The following TMEM117 variants were observed in gnomAD, a reference collection of about 807,000 sequenced individuals.
TMEM117 encodes transmembrane protein 117.
TMEM117 carries 27 observed loss-of-function variants against 52.4 expected under a neutral mutation model. That is an observed-to-expected ratio of 0.51 (90% CI 0.38 to 0.71). The LOEUF (loss-of-function observed/expected upper bound fraction) is 0.71. TMEM117 is among the 30% of genes least tolerant of loss of function. TMEM117 has a pLI of 0.00. For synonymous variants in TMEM117, 215 were observed against 206.3 expected, an observed-to-expected ratio of 1.04 and a Z score of -0.36; for missense variants, 556 against 630.5, an observed-to-expected ratio of 0.88 and a Z score of 1.26.
intron 3 of TMEM117, among the ~76,000 whole-genome samples, chr12:44,088,240 GTAA>G (rs1193447883): frequency 1.3e-5 from 2 of 152,142 alleles, no homozygotes; most frequent in Non-Finnish European, 2.9e-5. Context: ...ATATGAAGTG[GTAA>G]TAATAAATAT....
intron 4 of TMEM117, among the ~76,000 whole-genome samples, chr12:44,177,513 G>A (rs1949132375): frequency 1.3e-5 from 2 of 152,168 alleles, no homozygotes; most frequent in South Asian, 4.1e-4. Flanking sequence ...TGCAGGTAGA[G>A]TGAAGTGGAT....
At chr12:44,203,463 CTCTGGTTTTGGT>C (rs1198233520) in intron 4 of TMEM117, among the ~76,000 whole-genome samples, 34 of 152,030 alleles carry the variant, frequency 2.2e-4, no homozygotes, top group African/African-American at 8.2e-4. Context: ...TTCATTTCAG[CTCTGGTTTTGGT>C]TACTCATTTC....
chr12:43,884,346 A>G, intron 2 of TMEM117, among the ~76,000 whole-genome samples: 1 of 152,090 alleles, frequency 6.6e-6, no homozygotes, highest in East Asian at 1.9e-4. Context: ...ATTATATTGT[A>G]TTATTTATTA....
chr12:43,950,312 T>C (rs1375568271), intron 3 of TMEM117, among the ~76,000 whole-genome samples: 1 of 152,170 alleles, frequency 6.6e-6, no homozygotes, highest in African/African-American at 2.4e-5. Flanking sequence ...GAGGCAGATT[T>C]TGAGCTGTTC....
chr12:44,206,268 T>C (rs1187367611), intron 4 of TMEM117, among the ~76,000 whole-genome samples: 2 of 152,226 alleles, frequency 1.3e-5, no homozygotes, highest in African/African-American at 4.8e-5. Context: ...TGCTATTGTT[T>C]GTGGTTTAGG....
At chr12:43,891,949 T>C (rs1944113783) in intron 2 of TMEM117, among the ~76,000 whole-genome samples, 1 of 152,202 alleles carries the variant, frequency 6.6e-6, no homozygotes, top group Non-Finnish European at 1.5e-5. Context: ...ACTGCTACAC[T>C]GTCAATATCT....
chr12:43,796,893 A>G, the TMEM117 span: 1 of 1,372,852 alleles, frequency 7.3e-7, no homozygotes, highest in East Asian at 2.3e-5. Context: ...ATTTTCATTT[A>G]TAAATCACAG....
At chr12:44,358,758 G>A (rs956022616) in intron 6 of TMEM117, among the ~76,000 whole-genome samples, 1 of 152,058 alleles carries the variant, frequency 6.6e-6, no homozygotes, top group Non-Finnish European at 1.5e-5. Flanking sequence ...GAAGAGCTGA[G>A]GCTTTGCATT....
At chr12:44,074,138 GA>G (rs200073124) in intron 3 of TMEM117, among the ~76,000 whole-genome samples, 4 of 151,450 alleles carry the variant, frequency 2.6e-5, no homozygotes, top group African/African-American at 9.7e-5. Flanking sequence ...AGTAACTTTT[GA>G]AAAAAAACCA....
chr12:43,809,878 ACTC>A, the TMEM117 span, among the ~76,000 whole-genome samples: 1 of 152,096 alleles, frequency 6.6e-6, no homozygotes, highest in Non-Finnish European at 1.5e-5. Context: ...GATTGCTAAA[ACTC>A]CTCACGAAAT....
chr12:43,903,288 T>G (rs984050910), intron 2 of TMEM117, among the ~76,000 whole-genome samples: 1 of 152,206 alleles, frequency 6.6e-6, no homozygotes, highest in Non-Finnish European at 1.5e-5. Flanking sequence ...TACTATTCAC[T>G]GCTTCTGCTG....
chr12:44,345,810 T>C (rs1951478916), intron 6 of TMEM117, among the ~76,000 whole-genome samples: 1 of 152,152 alleles, frequency 6.6e-6, no homozygotes, highest in African/African-American at 2.4e-5. Flanking sequence ...ATTGAAAATA[T>C]ATATCTGAAT....
chr12:43,973,966 G>A (rs1031366280), intron 3 of TMEM117, among the ~76,000 whole-genome samples: 4 of 152,130 alleles, frequency 2.6e-5, no homozygotes, highest in Non-Finnish European at 5.9e-5. Context: ...TTTTTTGTCA[G>A]TTTAGATTAT....
chr12:43,953,966 A>G (rs1290795961), intron 3 of TMEM117, among the ~76,000 whole-genome samples: 1 of 152,246 alleles, frequency 6.6e-6, no homozygotes, highest in African/African-American at 2.4e-5. Flanking sequence ...CTCAGACCAC[A>G]GTGAAATCAA....
intron 3 of TMEM117, among the ~76,000 whole-genome samples, chr12:44,099,207 C>T (rs1410216517): frequency 6.6e-6 from 1 of 151,990 alleles, no homozygotes; most frequent in Non-Finnish European, 1.5e-5. Context: ...AAATAGCAAC[C>T]TCTGTGCTTT....
At chr12:44,277,988 T>A (rs891466706) in intron 5 of TMEM117, among the ~76,000 whole-genome samples, 4 of 152,004 alleles carry the variant, frequency 2.6e-5, no homozygotes, top group Non-Finnish European at 5.9e-5. Flanking sequence ...GGTCTCGAAC[T>A]CCTGACCTTG....
At chr12:44,266,828 T>C (rs1240714404) in intron 5 of TMEM117, among the ~76,000 whole-genome samples, 1 of 152,128 alleles carries the variant, frequency 6.6e-6, no homozygotes, top group Non-Finnish European at 1.5e-5. Context: ...ATTTTGCATG[T>C]GATTTTCCAG....
At chr12:44,334,904 G>A (rs909474228) in intron 6 of TMEM117, among the ~76,000 whole-genome samples, 2 of 151,984 alleles carry the variant, frequency 1.3e-5, no homozygotes, top group African/African-American at 4.8e-5. Flanking sequence ...CTTTCACTGT[G>A]ATATTATAAT....
At chr12:43,821,361 G>A in the TMEM117 span, among the ~76,000 whole-genome samples, 1 of 152,146 alleles carries the variant, frequency 6.6e-6, no homozygotes, top group African/African-American at 2.4e-5. Context: ...GCTGGCTGCA[G>A]CCTCAACCTC....
Sources: gnomAD v4.1 joint callset for allele counts (sites outside exome capture counted in the v4.1 genomes callset) on GRCh38, gnomAD v4.1.1 for gene constraint, MANE v1.5 for transcripts, NCBI Gene and HGNC (gene_info 2026-07-23, HGNC 2026-07-21) for gene names.